The following DIAPH3 variants were observed in gnomAD, a reference collection of about 807,000 sequenced individuals.
DIAPH3 encodes diaphanous related formin 3, also known as protein diaphanous homolog 3.
Under a neutral mutation model 144.3 loss-of-function variants are expected in DIAPH3, and 117 were observed. That is an observed-to-expected ratio of 0.81 (90% CI 0.70 to 0.95). The LOEUF (loss-of-function observed/expected upper bound fraction) is 0.95. Among genes scored for constraint, DIAPH3 ranks in the 40% least tolerant of loss-of-function variants. The pLI, the probability that DIAPH3 is intolerant of heterozygous loss-of-function variation, is 0.00. For synonymous variants in DIAPH3, 519 were observed against 488.9 expected (o/e 1.06, Z -0.81); for missense variants, 1,421 against 1,412.7 (o/e 1.01, Z -0.09).
intron 27 of DIAPH3, among the ~76,000 whole-genome samples, chr13:59,773,873 T>C (rs1482163372): frequency 6.6e-6 from 1 of 152,172 alleles, no homozygotes; most frequent in East Asian, 1.9e-4. Flanking sequence ...GTAAGTCCAC[T>C]ACTTTAAAAA....
At chr13:59,857,658 A>G (rs1181080421) in intron 22 of DIAPH3, among the ~76,000 whole-genome samples, 1 of 152,204 alleles carries the variant, frequency 6.6e-6, no homozygotes, top group Non-Finnish European at 1.5e-5. Flanking sequence ...AGCAGTTCCT[A>G]AAGTATAAGA....
chr13:59,821,844 T>G (rs1216127266), intron 24 of DIAPH3, among the ~76,000 whole-genome samples: 1 of 152,200 alleles, frequency 6.6e-6, no homozygotes, highest in Admixed American at 6.5e-5. Context: ...TCAATATGCG[T>G]TGCTATTAGT....
chr13:59,697,484 A>AAAAAT (rs1322362593), intron 27 of DIAPH3, among the ~76,000 whole-genome samples: 15 of 149,660 alleles, frequency 1.0e-4, no homozygotes, highest in Non-Finnish European at 2.1e-4. Context: ...AAAAAAAAAA[A>AAAAAT]AAAAAAAAAG....
chr13:60,127,224 A>G (rs989048146), intron 2 of DIAPH3, among the ~76,000 whole-genome samples: 1 of 152,086 alleles, frequency 6.6e-6, no homozygotes, highest in African/African-American at 2.4e-5. Context: ...ATACCCATAA[A>G]TTCAACAACA....
intron 24 of DIAPH3, among the ~76,000 whole-genome samples, chr13:59,820,482 C>T (rs1453484659): frequency 6.6e-6 from 1 of 151,802 alleles, no homozygotes; most frequent in East Asian, 1.9e-4. Context: ...AGTTAGCTTT[C>T]CTGTGTTTTC....
chr13:59,794,029 C>T (rs2039458195), intron 25 of DIAPH3, among the ~76,000 whole-genome samples: 1 of 152,138 alleles, frequency 6.6e-6, no homozygotes, highest in African/African-American at 2.4e-5. Flanking sequence ...CCCATACAAC[C>T]ATTGTCTGTA....
chr13:59,775,943 A>G (rs341545), intron 25 of DIAPH3, among the ~76,000 whole-genome samples: 100,118 of 152,112 alleles, frequency 0.66, 33,432 homozygotes, highest in East Asian at 0.72. Flanking sequence ...TTCAAAGAGA[A>G]CAGGAGAAAA....
intron 27 of DIAPH3, among the ~76,000 whole-genome samples, chr13:59,737,960 A>G (rs1322847208): frequency 6.6e-6 from 1 of 152,100 alleles, no homozygotes; most frequent in African/African-American, 2.4e-5. Context: ...TGAAGTCAGG[A>G]GTTCGAGACC....
At chr13:60,049,120 A>C in intron 4 of DIAPH3, among the ~76,000 whole-genome samples, 1 of 152,340 alleles carries the variant, frequency 6.6e-6, no homozygotes, top group Non-Finnish European at 1.5e-5. Context: ...CAACAAGACA[A>C]AGGAATCAAA....
intron 5 of DIAPH3, among the ~76,000 whole-genome samples, chr13:60,024,222 C>T (rs1292476341): frequency 6.6e-6 from 1 of 152,076 alleles, no homozygotes; most frequent in East Asian, 1.9e-4. Flanking sequence ...TCTCCAATGA[C>T]AAGAATGTTA....
intron 4 of DIAPH3, among the ~76,000 whole-genome samples, chr13:60,063,361 T>A (rs2056840890): frequency 6.6e-6 from 1 of 152,190 alleles, no homozygotes; most frequent in East Asian, 1.9e-4. Flanking sequence ...TCCACTAAAG[T>A]GTTGAACCCC....
intron 27 of DIAPH3, among the ~76,000 whole-genome samples, chr13:59,667,067 T>A (rs1268561005): frequency 6.6e-6 from 1 of 152,258 alleles, no homozygotes; most frequent in Admixed American, 6.5e-5. Context: ...TTAGCACTAA[T>A]GCCCATTTCC....
At chr13:59,753,095 T>C (rs896644166) in intron 27 of DIAPH3, among the ~76,000 whole-genome samples, 15 of 152,374 alleles carry the variant, frequency 9.8e-5, no homozygotes, top group African/African-American at 3.6e-4. Context: ...CAGATCATAC[T>C]GTATTTTTAG....
intron 25 of DIAPH3, among the ~76,000 whole-genome samples, chr13:59,802,840 C>T (rs1323319117): frequency 3.4e-5 from 5 of 148,356 alleles, no homozygotes; most frequent in African/African-American, 1.2e-4. Context: ...CGCCACCGCG[C>T]CCGGCTAATT....
chr13:59,911,878 C>A (rs1407355115), intron 19 of DIAPH3, 42 bp from the exon 20 acceptor site: 2 of 1,345,744 alleles, frequency 1.5e-6, no homozygotes, highest in East Asian at 2.3e-5. Flanking sequence ...ACTAAATGTA[C>A]TTCTTGAATT....
chr13:60,128,164 G>C (rs1250004457), intron 2 of DIAPH3, among the ~76,000 whole-genome samples: 1 of 152,096 alleles, frequency 6.6e-6, no homozygotes, highest in Non-Finnish European at 1.5e-5. Flanking sequence ...TGCAGTATTT[G>C]GTTTTCTGTT....
intron 27 of DIAPH3, among the ~76,000 whole-genome samples, chr13:59,684,341 C>T (rs2033104981): frequency 6.6e-6 from 1 of 152,118 alleles, no homozygotes; most frequent in South Asian, 2.1e-4. Flanking sequence ...ACAATGTTCC[C>T]CGGCTCATCT....
intron 20 of DIAPH3, among the ~76,000 whole-genome samples, chr13:59,891,214 G>A (rs571990740): frequency 3.2e-4 from 48 of 152,034 alleles, no homozygotes; most frequent in African/African-American, 1.2e-3. Context: ...AATGTTGTTT[G>A]CAAAGTGATG....
chr13:59,726,709 G>C (rs1352566897), intron 27 of DIAPH3, among the ~76,000 whole-genome samples: 1 of 152,134 alleles, frequency 6.6e-6, no homozygotes, highest in African/African-American at 2.4e-5. Flanking sequence ...GATCTGTGGG[G>C]CTATTCCGTC....
Sources: gnomAD v4.1 joint callset for allele counts (sites outside exome capture counted in the v4.1 genomes callset) on GRCh38, gnomAD v4.1.1 for gene constraint, MANE v1.5 for transcripts, NCBI Gene and HGNC (gene_info 2026-07-23, HGNC 2026-07-21) for gene names.